The following AXIN1 variants were observed in gnomAD, a reference collection of about 807,000 sequenced individuals.
The protein encoded by AXIN1 is axin 1, also known as axin-1.
A neutral mutation model predicts 76.4 loss-of-function variants in AXIN1; 30 were observed. The observed-to-expected ratio is 0.39, with a 90% CI of 0.29 to 0.53. The LOEUF is 0.53. Ranked by LOEUF, AXIN1 falls within the 20% of genes least tolerant of loss-of-function variation. The probability of loss-of-function intolerance (pLI) is 0.66; values close to 1 mark genes in which losing one functional copy is unlikely to be tolerated. For missense variants in AXIN1, 1,140 were observed against 1,198.8 expected (o/e 0.95, Z 0.72); for synonymous variants, 545 against 501.4 (o/e 1.09, Z -1.16).
At chr16:337,356 G>A (rs2053827479) in intron 2 of AXIN1, among the ~76,000 whole-genome samples, 1 of 151,898 alleles carries the variant, frequency 6.6e-6, no homozygotes, top group African/African-American at 2.4e-5. Context: ...CTGTATGAAT[G>A]CCACTGGGCA....
In AXIN1 at chr16:303,585, T is replaced by G. The variant is rs560795722; in HGVS notation, c.1254+719A>C. ...TCATTAGAGATGGGGTTTCACCATT[T>G]TGGCCAGGCTGGTCTCAAACTCCTG... On this transcript the variant is annotated intron_variant, in intron 5 of 10. Coordinates refer to ENST00000262320, the MANE Select transcript of AXIN1 (RefSeq NM_003502.4). 3.3e-3 allele frequency among the ~76,000 whole-genome samples: 499 copies of G among 152,180 alleles called. 3 individuals carry two copies. Among genetic ancestry groups the G allele is most frequent in the Non-Finnish European group, 5.0e-3 (341 of 68,002 alleles).
intron 8 of AXIN1, chr16:291,678 T>G (rs1184216214): frequency 5.7e-6 from 2 of 353,702 alleles, no homozygotes; most frequent in Non-Finnish European, 5.5e-6. Flanking sequence ...GCGTGGACAC[T>G]GGCTCTGGGG....
intron 5 of AXIN1, 57 bp downstream of exon 5, chr16:304,247 C>T (rs1049894942): frequency 5.0e-6 from 8 of 1,599,934 alleles, no homozygotes; most frequent in African/African-American, 4.0e-5. Context: ...GACATCCCGG[C>T]GGCAAGAAAA....
intron 3 of AXIN1, among the ~76,000 whole-genome samples, chr16:310,393 A>T (rs935939106): frequency 6.6e-6 from 1 of 150,774 alleles, no homozygotes; most frequent in Non-Finnish European, 1.5e-5. Context: ...TGGTTTCTAC[A>T]TTTTTTTTTC....
rs370965851 is a variant in AXIN1 at position 289,553 on chromosome 16, G to C, written c.2349C>G (p.Ile783Met). The C allele has an allele frequency of 7.4e-6, 12 of 1,613,020 alleles. No homozygotes were observed. The highest frequency in any genetic ancestry group is 1.0e-5 in the Non-Finnish European group (12 of 1,180,030). The change falls in exon 10 of 11, where the codon ATC becomes ATG. Residue 783 changes from isoleucine (I) to methionine (M), a missense_variant. By Grantham distance (10) the Ile-to-Met change is conservative. Transcript: ENST00000262320. ...CCCCGCAGAAGTAGTACGCCACAACGATGCTGTCACACGGCTGGGCACTCC... is the reference window on the plus strand; with the variant it reads ...CCCCGCAGAAGTAGTACGCCACAACCATGCTGTCACACGGCTGGGCACTCC... ...GGGSAQPCDS[I>M]VVAYYFCGEP...
chr16:335,104 C>T (rs576953052), intron 2 of AXIN1, among the ~76,000 whole-genome samples: 44 of 152,222 alleles, frequency 2.9e-4, no homozygotes, highest in Non-Finnish European at 5.7e-4. Flanking sequence ...AAAATAAAAA[C>T]GGCCTGGACT....
chr16:304,905 C>G (rs1340620576), intron 4 of AXIN1, among the ~76,000 whole-genome samples: 1 of 152,198 alleles, frequency 6.6e-6, no homozygotes, highest in African/African-American at 2.4e-5. Flanking sequence ...TCACGGTCCC[C>G]CTTTTCGTGT....
chr16:344,527 C>T (rs909520629), intron 2 of AXIN1, among the ~76,000 whole-genome samples: 3 of 149,128 alleles, frequency 2.0e-5, no homozygotes, highest in South Asian at 2.1e-4. Context: ...GTCCTCTTGT[C>T]GCCCAGGCTG....
chr16:314,215 G>A (rs1378616680), intron 3 of AXIN1, among the ~76,000 whole-genome samples: 4 of 152,178 alleles, frequency 2.6e-5, no homozygotes, highest in Admixed American at 1.3e-4. Flanking sequence ...AGAAGCAACC[G>A]ACACAAAGCT....
chr16:291,384 C>T (rs1305393528), intron 8 of AXIN1, 87 bp from the exon 9 acceptor site: 23 of 1,179,456 alleles, frequency 2.0e-5, no homozygotes, highest in South Asian at 9.2e-5. Flanking sequence ...TGCGCAGGGA[C>T]GGACGGAGCG....
chr16:342,146 C>G lies in AXIN1; in HGVS notation c.878+4002G>C, dbSNP rs1021548023. 4.6e-5 allele frequency among the ~76,000 whole-genome samples: 7 copies of G among 152,304 alleles called. No homozygotes were observed. In the South Asian group the frequency reaches 1.5e-3, roughly 32 times the overall value. On this transcript the variant is annotated intron_variant, in intron 2 of 10. Transcript: ENST00000262320. ...TCTCTCTTTCCAGTAAGTCTTGCTG[C>G]TGCTCACTCTTTGGGTCCACACTGC...
chr16:308,270 T>C (rs1242171325), intron 4 of AXIN1, among the ~76,000 whole-genome samples: 2 of 152,216 alleles, frequency 1.3e-5, no homozygotes, highest in East Asian at 1.9e-4. Context: ...GGACTCGCCA[T>C]AGGCATCCTC....
chr16:346,362 T>C lies in AXIN1; in HGVS notation c.664A>G (p.Ser222Gly), dbSNP rs764492229. 1.9e-6 allele frequency: 3 copies of C among 1,614,220 alleles called. No homozygotes were observed. In the South Asian group the frequency reaches 3.3e-5, roughly 18 times the overall value. Residue 222 changes from serine to glycine, a missense_variant, in exon 2 of 11, where the codon AGT becomes GGT. By Grantham distance (56) the Ser-to-Gly change is moderately conservative. Coordinates refer to ENST00000262320, the MANE Select transcript of AXIN1 (RefSeq NM_003502.4). ...RTGSESPKVCSDQSSGSGTGK... is the reference protein window; with the variant it reads ...RTGSESPKVCGDQSSGSGTGK... Reference sequence around the variant, plus strand: ...GTCCCTGACCCAGAGCTCTGGTCACTACAGACTTTGGGGCTCTCCGAGCCT... The same window carrying C: ...GTCCCTGACCCAGAGCTCTGGTCACCACAGACTTTGGGGCTCTCCGAGCCT...
chr16:291,625 A>C, intron 8 of AXIN1: 1 of 429,126 alleles, frequency 2.3e-6, no homozygotes, highest in African/African-American at 2.0e-5. Flanking sequence ...TCTCGTCCCG[A>C]GAGTCTGTCC....
At chr16:318,986 C>T (rs11248929) in intron 2 of AXIN1, among the ~76,000 whole-genome samples, 45,396 of 149,138 alleles carry the variant, frequency 0.3, 6,983 homozygotes, top group South Asian at 0.42. Flanking sequence ...TCTGGCTGTG[C>T]GGAGAGAATG....
chr16:348,111 CAA>C (rs2054068452), intron 1 of AXIN1, among the ~76,000 whole-genome samples: 2 of 152,158 alleles, frequency 1.3e-5, no homozygotes, highest in African/African-American at 4.8e-5. Context: ...AAGGGGTGTG[CAA>C]AAGAGAGTAG....
At chr16:325,199 C>T (rs572702806) in intron 2 of AXIN1, among the ~76,000 whole-genome samples, 1 of 152,332 alleles carries the variant, frequency 6.6e-6, no homozygotes, top group South Asian at 2.1e-4. Flanking sequence ...ATATTCAACC[C>T]GGAAGCCTGG....
chr16:288,166 C>CG lies in AXIN1; in HGVS notation c.2544dup (p.Val849ArgfsTer3), dbSNP rs767867373. ...TTGCCGATGATCTTCTCCTCAAAGA[C>CG]GGGCAGGACGGCCTCGTCCTCTCGA... is the stretch of plus-strand genomic sequence containing the variant. On this transcript the variant is annotated frameshift_variant, in exon 11 of 11. Coordinates refer to ENST00000262320, the MANE Select transcript of AXIN1 (RefSeq NM_003502.4). LOFTEE classifies it high-confidence loss of function. The CG allele has an allele frequency of 6.2e-7, 1 of 1,613,678 alleles. No homozygotes were observed. Among genetic ancestry groups the CG allele is most frequent in the African/African-American group, 1.3e-5 (1 of 75,060 alleles).
chr16:305,612 C>T (rs528533551), intron 4 of AXIN1, among the ~76,000 whole-genome samples: 51 of 152,084 alleles, frequency 3.4e-4, no homozygotes, highest in Admixed American at 3.1e-3. Context: ...GGCGCGATTT[C>T]GGCTCACTGC....
Sources: gnomAD v4.1 joint callset for allele counts (sites outside exome capture counted in the v4.1 genomes callset) on GRCh38, gnomAD v4.1.1 for gene constraint, MANE v1.5 for transcripts, NCBI Gene and HGNC (gene_info 2026-07-23, HGNC 2026-07-21) for gene names.